Variants in BDNF observed in about 807,000 individuals in gnomAD.
The protein encoded by BDNF is neurotrophic factor BDNF precursor form.
A neutral mutation model predicts 19.5 loss-of-function variants in BDNF; 1 was observed. That is an observed-to-expected ratio of 0.05 (90% CI 0.02 to 0.24). The LOEUF (loss-of-function observed/expected upper bound fraction) is 0.24, where lower values mean the gene tolerates loss of function less well. BDNF is among the 10% of genes least tolerant of loss of function. BDNF has a pLI of 1.00. For missense variants in BDNF, 195 were observed against 317.6 expected, an observed-to-expected ratio of 0.61 and a Z score of 2.93; for synonymous variants, 100 against 121.6, an observed-to-expected ratio of 0.82 and a Z score of 1.17.
chr11:27,701,475 A>G, upstream of BDNF: 5 of 990,576 alleles, frequency 5.0e-6, no homozygotes, highest in South Asian at 2.3e-4. Flanking sequence ...CAAAGAAGTT[A>G]AATTATTGAT....
chr11:27,686,013 T>C (rs1857433945), intron 1 of BDNF, among the ~76,000 whole-genome samples: 1 of 152,186 alleles, frequency 6.6e-6, no homozygotes, highest in African/African-American at 2.4e-5. Context: ...TCTCACACTA[T>C]TATTGTGTGG....
At position 27,658,773 on chromosome 11, in the gene BDNF, A is replaced by G; in HGVS notation, c.-21-188T>C. ...AGTAGTGTGCTGTATGTGGTTTAAT[A>G]TAAACCAGAGACATGCAGTGTTTCC... On this transcript the variant is annotated intron_variant, in intron 1 of 1. Coordinates refer to ENST00000356660, the MANE Select transcript of BDNF (RefSeq NM_001709.5). The surrounding 1 kb of genome is among the most constrained non-coding windows in gnomAD (Gnocchi z 5.7). 2 of 1,471,786 alleles carry G rather than the reference A, an allele frequency of 1.4e-6. No homozygotes were observed. The highest frequency in any genetic ancestry group is 2.5e-5 in the East Asian group (1 of 40,152). The allele number at this position is 1,471,786 out of a possible 1,614,324, so 91.2% of individuals were successfully genotyped here. A position where few individuals can be genotyped will look rare whatever the true frequency, so the allele number is the denominator to read the frequency against.
At chr11:27,662,778 G>A (rs1487109771) in intron 1 of BDNF, among the ~76,000 whole-genome samples, 4 of 152,304 alleles carry the variant, frequency 2.6e-5, no homozygotes, top group East Asian at 1.9e-4. Flanking sequence ...TTGCTCACCC[G>A]CCGCTCACTT....
upstream of BDNF, among the ~76,000 whole-genome samples, chr11:27,704,225 T>C (rs1434846962): frequency 6.6e-6 from 1 of 152,250 alleles, no homozygotes; most frequent in East Asian, 1.9e-4. Flanking sequence ...ATGCTACCTA[T>C]TTCACTTTTG....
At chr11:27,687,554 G>C (rs1857641733) in intron 1 of BDNF, among the ~76,000 whole-genome samples, 1 of 152,174 alleles carries the variant, frequency 6.6e-6, no homozygotes, top group African/African-American at 2.4e-5. Context: ...ATTTATCTAT[G>C]TTTGATCTTT....
intron 1 of BDNF, among the ~76,000 whole-genome samples, chr11:27,679,133 G>A (rs900359416): frequency 1.3e-5 from 2 of 152,202 alleles, no homozygotes; most frequent in Admixed American, 6.5e-5. Context: ...TCAGTAGTCT[G>A]ATGGGTGTCA....
At position 27,674,614 on chromosome 11, in the gene BDNF, G is replaced by A. The variant is rs538962338; in HGVS notation, c.-21-16029C>T. On this transcript the variant is annotated intron_variant, in intron 1 of 1. Transcript: ENST00000356660. The stretch of plus-strand genomic sequence containing the variant: ...GACAAAAGATCCATATGGCTGGCCA[G>A]AAAATATCTGCATCATTTAAGCCAT... 3.2e-5 allele frequency: 32 copies of A among 985,148 alleles called. 2 individuals are homozygous for A. The African/African-American group carries it at 5.2e-4, about 16-fold the overall frequency. The allele number at this position is 985,148 out of a possible 1,614,324, so 61.0% of individuals were successfully genotyped here.
In BDNF at chr11:27,656,959, G is replaced by C. The variant is rs995356885; in HGVS notation, c.*862C>G. The C allele has an allele frequency of 4.9e-5, 48 of 985,148 alleles. No homozygotes were observed. The highest frequency in any genetic ancestry group is 5.3e-5 in the Non-Finnish European group (44 of 829,948). The allele number at this position is 985,148 out of a possible 1,614,324, so 61.0% of individuals were successfully genotyped here. A position where few individuals can be genotyped will look rare whatever the true frequency, so the allele number is the denominator to read the frequency against. On this transcript the variant is annotated 3_prime_UTR_variant, in exon 2 of 2. Coordinates refer to ENST00000356660, the MANE Select transcript of BDNF (RefSeq NM_001709.5). ...AACAAAGAGGAGACCAGAGGGGGAG[G>C]GGGGGAAAGAATGTGTTCTGAGCAA... is the stretch of plus-strand genomic sequence containing the variant.
rs1271043342 is a variant in BDNF at position 27,697,162 on chromosome 11, C to CAGAGAGAGAGAGAG, written c.-22+3001_-22+3002insCTCTCTCTCTCTCT. 2.3e-4 allele frequency among the ~76,000 whole-genome samples: 29 copies of CAGAGAGAGAGAGAG among 125,192 alleles called. 1 individual carries two copies. Among genetic ancestry groups the CAGAGAGAGAGAGAG allele is most frequent in the South Asian group, 1.6e-3 (5 of 3,196 alleles). 82.1% of individuals were successfully genotyped at this position (125,192 alleles called of 152,430 possible). Reference sequence around the variant, plus strand: ...GTGCACGCACACACACACACACACACACAGAGAGAGAGAGAGAGAGAGAGA... The same window carrying CAGAGAGAGAGAGAG: ...GTGCACGCACACACACACACACACACAGAGAGAGAGAGAGACAGAGAGAGAGAGAGAGAGAGAGA... On this transcript the variant is annotated intron_variant, in intron 1 of 1. Transcript: ENST00000356660.
intron 1 of BDNF, among the ~76,000 whole-genome samples, chr11:27,697,164 C>CAGAGAGAGAGAGAGAGAGAG (rs72348822): frequency 1.8e-4 from 24 of 133,162 alleles, no homozygotes; most frequent in African/African-American, 6.9e-4. Context: ...CACACACACA[C>CAGAGAGAGAGAGAGAGAGAG]AGAGAGAGAG....
At chr11:27,713,479 C>T (rs1484492810) in intron 1 of BDNF, among the ~76,000 whole-genome samples, 1 of 152,208 alleles carries the variant, frequency 6.6e-6, no homozygotes, top group Non-Finnish European at 1.5e-5. Flanking sequence ...ATGTTTGTGA[C>T]ACCTTTCTGC....
At chr11:27,701,178 TA>T, upstream of BDNF, 1 of 1,193,046 alleles carries the variant, frequency 8.4e-7, no homozygotes, top group Non-Finnish European at 1.1e-6. Context: ...CAGATAACGT[TA>T]CACCAAGTTA....
Position 27,700,360 on chromosome 11 carries a change from G to A in BDNF, c.-218C>T. On this transcript the variant is annotated 5_prime_UTR_variant, in exon 1 of 2. Transcript: ENST00000356660. ...CGGGCTGGCTCCTCTGTCCGGCCCG[G>A]GAGCCCGAGGCGCTACGGGGTGCGC... 1.0e-6 allele frequency: 1 copy of A among 985,592 alleles called. No homozygotes were observed. Among genetic ancestry groups the A allele is most frequent in the Non-Finnish European group, 1.2e-6 (1 of 829,972 alleles). 61.1% of individuals were successfully genotyped at this position (985,592 alleles called of 1,614,324 possible).
chr11:27,673,549 G>T (rs1855687777), intron 1 of BDNF, among the ~76,000 whole-genome samples: 1 of 152,128 alleles, frequency 6.6e-6, no homozygotes, highest in African/African-American at 2.4e-5. Flanking sequence ...AAATGCTATG[G>T]GAATTCTGGC....
chr11:27,672,396 A>C (rs1855512442), intron 1 of BDNF, among the ~76,000 whole-genome samples: 1 of 152,082 alleles, frequency 6.6e-6, no homozygotes. Context: ...GTCCAGTCAC[A>C]CTAGTATTGC....
chr11:27,713,443 G>A (rs1176633959), intron 1 of BDNF, among the ~76,000 whole-genome samples: 1 of 152,018 alleles, frequency 6.6e-6, no homozygotes, highest in Non-Finnish European at 1.5e-5. Context: ...CACTCACACT[G>A]CAATGCCCTA....
At chr11:27,689,094 G>A (rs1857906459) in intron 1 of BDNF, among the ~76,000 whole-genome samples, 1 of 152,132 alleles carries the variant, frequency 6.6e-6, no homozygotes, top group Admixed American at 6.5e-5. Flanking sequence ...GTCTCTGCTG[G>A]AGACAAAGGT....
intron 1 of BDNF, among the ~76,000 whole-genome samples, chr11:27,696,111 A>C (rs945771194): frequency 6.6e-6 from 1 of 152,150 alleles, no homozygotes; most frequent in Admixed American, 6.5e-5. Context: ...TGGGTTCATG[A>C]CCTTTCTAAA....
At chr11:27,675,013 G>T in intron 1 of BDNF, 1 of 665,480 alleles carries the variant, frequency 1.5e-6, no homozygotes, top group Non-Finnish European at 1.9e-6. Context: ...AGAGAGTTTC[G>T]GTGGATTCCC....
Sources: allele counts gnomAD v4.1 joint callset (sites outside exome capture counted in the v4.1 genomes callset), GRCh38; gene constraint gnomAD v4.1.1; non-coding constraint Gnocchi (gnomAD v3.1); transcripts MANE v1.5; gene names NCBI Gene and HGNC (gene_info 2026-07-23, HGNC 2026-07-21).